PCDHA12: variants seen among roughly 807,000 people sequenced by gnomAD.
The protein encoded by PCDHA12 is protocadherin alpha 12.
In PCDHA12, 44 loss-of-function variants were observed where a neutral mutation model predicts 60.0. That is an observed-to-expected ratio of 0.73 (90% confidence interval 0.58 to 0.94). The LOEUF is 0.94. Among genes scored for constraint, PCDHA12 ranks in the 40% least tolerant of loss-of-function variants. The pLI, the probability that PCDHA12 is intolerant of heterozygous loss-of-function variation, is 0.00. For missense variants in PCDHA12, 1,276 were observed against 1,239.7 expected, an observed-to-expected ratio of 1.03 and a Z score of -0.44; for synonymous variants, 569 against 553.0, an observed-to-expected ratio of 1.03 and a Z score of -0.40.
At chr5:140,965,973 G>A (rs1234636252) in intron 1 of PCDHA12, among the ~76,000 whole-genome samples, 6 of 152,194 alleles carry the variant, frequency 3.9e-5, no homozygotes, top group African/African-American at 1.4e-4. Flanking sequence ...TGCCCTAGGA[G>A]TTGAGCACTT....
At chr5:140,951,034 A>G (rs1407307131) in intron 1 of PCDHA12, among the ~76,000 whole-genome samples, 1 of 151,932 alleles carries the variant, frequency 6.6e-6, no homozygotes, top group African/African-American at 2.4e-5. Context: ...TTAATTTCAA[A>G]TATTATATTT....
chr5:141,000,417 A>ATTTT (rs1563652061), intron 3 of PCDHA12, among the ~76,000 whole-genome samples: 4 of 77,746 alleles, frequency 5.1e-5, no homozygotes, highest in African/African-American at 1.1e-4. Flanking sequence ...ATATATATAT[A>ATTTT]TATATTTTTT....
chr5:140,968,206 G>A lies in PCDHA12; in HGVS notation c.2368-10743G>A, dbSNP rs782751494. Reference sequence around the variant, plus strand: ...ACTCCTATTCCATCTACATACAGGAGAACAATTTGCCAGGTGTGTTGCTCT... The same window carrying A: ...ACTCCTATTCCATCTACATACAGGAAAACAATTTGCCAGGTGTGTTGCTCT... On this transcript the variant is annotated intron_variant, in intron 1 of 3. Coordinates refer to ENST00000398631, the MANE Select transcript of PCDHA12 (RefSeq NM_018903.4). 170 of 1,613,876 alleles carry A rather than the reference G, an allele frequency of 1.1e-4. 1 individual carries two copies. Among genetic ancestry groups the A allele is most frequent in the Non-Finnish European group, 1.4e-4 (163 of 1,180,042 alleles).
chr5:140,985,590 T>C (rs1049609959), intron 3 of PCDHA12, among the ~76,000 whole-genome samples: 5 of 152,166 alleles, frequency 3.3e-5, no homozygotes, highest in African/African-American at 1.2e-4. Flanking sequence ...TCCTTATACT[T>C]GCTTCAGAGC....
chr5:140,879,671 G>T (rs1442617511), intron 1 of PCDHA12, among the ~76,000 whole-genome samples: 3 of 152,210 alleles, frequency 2.0e-5, no homozygotes, highest in Admixed American at 1.3e-4. Context: ...AACACAAACT[G>T]GGTGCTGTAA....
chr5:140,961,571 A>AT (rs2095622432), intron 1 of PCDHA12, among the ~76,000 whole-genome samples: 1 of 152,076 alleles, frequency 6.6e-6, no homozygotes. Flanking sequence ...TTTTGTTTTG[A>AT]TAAGCATTTA....
chr5:140,969,095 C>T, intron 1 of PCDHA12: 1 of 1,614,168 alleles, frequency 6.2e-7, no homozygotes, highest in East Asian at 2.2e-5. Flanking sequence ...AGTGCAGCCT[C>T]ACTTCATTGA....
chr5:140,935,280 G>A (rs1039041502), intron 1 of PCDHA12, among the ~76,000 whole-genome samples: 2 of 152,114 alleles, frequency 1.3e-5, no homozygotes, highest in Admixed American at 6.5e-5. Context: ...ATCTAATAAA[G>A]TTCAGCACTC....
At chr5:140,974,779 C>T (rs950634910) in intron 1 of PCDHA12, among the ~76,000 whole-genome samples, 1 of 152,160 alleles carries the variant, frequency 6.6e-6, no homozygotes, top group African/African-American at 2.4e-5. Context: ...TGAGCCACTG[C>T]GCCCAGCCCT....
At chr5:140,968,634 A>T (rs782166097) in intron 1 of PCDHA12, 7 of 1,614,176 alleles carry the variant, frequency 4.3e-6, no homozygotes, top group Non-Finnish European at 5.9e-6. Flanking sequence ...CTTTTTTACC[A>T]TCTAGCCCAG....
chr5:140,988,642 T>C (rs981488031), intron 3 of PCDHA12, among the ~76,000 whole-genome samples: 22 of 152,212 alleles, frequency 1.4e-4, no homozygotes, highest in African/African-American at 5.3e-4. Context: ...TTTCTGAAAT[T>C]AAACATTTTT....
intron 1 of PCDHA12, among the ~76,000 whole-genome samples, chr5:140,893,560 T>C (rs964266537): frequency 4.6e-5 from 7 of 152,232 alleles, no homozygotes; most frequent in Admixed American, 4.6e-4. Flanking sequence ...AGTTGTAGTG[T>C]ACTTCCTCAG....
In PCDHA12 at chr5:140,966,999, G is replaced by A. The variant is rs782081862; in HGVS notation, c.2368-11950G>A. 115 of 1,604,458 alleles carry A rather than the reference G, an allele frequency of 7.2e-5. No homozygotes were observed. The highest frequency in any genetic ancestry group is 8.8e-5 in the Non-Finnish European group (104 of 1,177,324). ...CGGCGCTTGGGGCCGGGTTGCTTGC[G>A]CATCAACCATCTGGGTGCGCCCAGT... On this transcript the variant is annotated intron_variant, in intron 1 of 3. Transcript: ENST00000398631.
Position 140,876,469 on chromosome 5 carries a change from C to T in PCDHA12, c.997C>T (p.His333Tyr). ...IDKGIPSMAG[H>Y]SMVLVEVLDV... ...TAAAGGGATTCCTTCCATGGCAGGT[C>T]ACAGCATGGTCCTGGTGGAAGTTCT... The change falls in exon 1 of 4, where the codon CAC (histidine) becomes TAC (tyrosine). Residue 333 changes from histidine (H) to tyrosine (Y), a missense_variant. Transcript: ENST00000398631. 1 of 1,613,956 alleles carries T rather than the reference C, an allele frequency of 6.2e-7. No homozygotes were observed.
chr5:140,885,469 C>T (rs1338782835), intron 1 of PCDHA12, among the ~76,000 whole-genome samples: 1 of 152,156 alleles, frequency 6.6e-6, no homozygotes, highest in Admixed American at 6.5e-5. Flanking sequence ...GATGGGCAAT[C>T]ACTTTGTGTC....
chr5:140,949,537 C>A (rs1359504503), intron 1 of PCDHA12, among the ~76,000 whole-genome samples: 1 of 151,692 alleles, frequency 6.6e-6, no homozygotes, highest in African/African-American at 2.4e-5. Flanking sequence ...CATAAAATAT[C>A]GATTTGTTGC....
intron 1 of PCDHA12, among the ~76,000 whole-genome samples, chr5:140,924,894 C>CAAAA (rs782133089): frequency 2.8e-5 from 2 of 71,514 alleles, no homozygotes; most frequent in Non-Finnish European, 3.2e-5. Flanking sequence ...GAACCTGTCT[C>CAAAA]AAAAAAAAAA....
chr5:140,887,537 C>A (rs530539711), intron 1 of PCDHA12, among the ~76,000 whole-genome samples: 7 of 152,132 alleles, frequency 4.6e-5, no homozygotes, highest in African/African-American at 7.2e-5. Flanking sequence ...TTCCTCTCCC[C>A]ACCCCTCATG....
rs1554263543 is a variant in PCDHA12, at chr5:141,011,545, G to A, written c.*1608G>A. 1 of 153,624 alleles carries A rather than the reference G, an allele frequency of 6.5e-6. No individual in the cohort carries two copies. Among genetic ancestry groups the A allele is most frequent in the Non-Finnish European group, 1.5e-5 (1 of 68,004 alleles). 9.5% of individuals were successfully genotyped at this position (153,624 alleles called of 1,614,324 possible). A position where few individuals can be genotyped will look rare whatever the true frequency, so the allele number is the denominator to read the frequency against. Reference sequence around the variant, plus strand: ...TTAACCATTGTTAATCAGCTTTTGTGTATGAAAGACACAGTAAAATTTCTT... The same window carrying A: ...TTAACCATTGTTAATCAGCTTTTGTATATGAAAGACACAGTAAAATTTCTT... On this transcript the variant is annotated 3_prime_UTR_variant, in exon 4 of 4. Coordinates refer to ENST00000398631, the MANE Select transcript of PCDHA12 (RefSeq NM_018903.4).
Sources: allele counts gnomAD v4.1 joint callset (sites outside exome capture counted in the v4.1 genomes callset), GRCh38; gene constraint gnomAD v4.1.1; transcripts MANE v1.5; gene names NCBI Gene and HGNC (gene_info 2026-07-23, HGNC 2026-07-21).